Variants in VAMP7 observed in about 807,000 individuals in gnomAD.
VAMP7 encodes the protein vesicle-associated membrane protein 7.
VAMP7 carries 14 observed loss-of-function variants against 29.6 expected under a neutral mutation model. The ratio of observed to expected loss-of-function variants is 0.47; its 90% CI spans 0.31 to 0.74. The LOEUF (loss-of-function observed/expected upper bound fraction) is 0.74. Among genes scored for constraint, VAMP7 ranks in the 30% least tolerant of loss-of-function variants. The probability of loss-of-function intolerance (pLI) is 0.05; values close to 1 mark genes in which losing one functional copy is unlikely to be tolerated. For missense variants in VAMP7, 223 were observed against 262.4 expected, an observed-to-expected ratio of 0.85 and a Z score of 1.04; for synonymous variants, 95 against 88.1, an observed-to-expected ratio of 1.08 and a Z score of -0.44.
intron 3 of VAMP7, 48 bp from the exon 4 acceptor site, chrX:155,898,064 A>G (rs1201028543): frequency 2.5e-6 from 4 of 1,594,544 alleles, no homozygotes; most frequent in Non-Finnish European, 3.4e-6. Flanking sequence ...CACTCACATC[A>G]TCTTTGTTTA....
chrX:155,892,299 TTC>T (rs1224820411), intron 2 of VAMP7, among the ~76,000 whole-genome samples: 1 of 152,150 alleles, frequency 6.6e-6, no homozygotes, highest in Non-Finnish European at 1.5e-5. Flanking sequence ...GCGAAATACT[TTC>T]TTAATTTGTA....
intron 6 of VAMP7, among the ~76,000 whole-genome samples, chrX:155,937,638 T>C (rs1303809537): frequency 6.6e-6 from 1 of 152,194 alleles, no homozygotes; most frequent in Non-Finnish European, 1.5e-5. Flanking sequence ...TGTAACATTT[T>C]CCTTTTTTCA....
In VAMP7 at chrX:155,914,609, A is replaced by T. The variant is rs190803522; in HGVS notation, c.434-5204A>T. On this transcript the variant is annotated intron_variant, in intron 5 of 7. Transcript: ENST00000286448. The stretch of plus-strand genomic sequence containing the variant: ...TTTATCGAAGGCCTTTTCTGCATCT[A>T]TTGAGATAATCATGTGGTTTTTGTC... 3.7e-3 allele frequency among the ~76,000 whole-genome samples: 559 copies of T among 152,206 alleles called. 8 individuals carry two copies. The highest frequency in any genetic ancestry group is 0.017 in the Admixed American group (263 of 15,288).
At chrX:155,893,028 C>T (rs1490698053) in intron 2 of VAMP7, among the ~76,000 whole-genome samples, 1 of 152,116 alleles carries the variant, frequency 6.6e-6, no homozygotes, top group Non-Finnish European at 1.5e-5. Flanking sequence ...GCTGGGATTA[C>T]AGGCATGAGC....
At chrX:155,886,147 A>G (rs1412174462) in intron 1 of VAMP7, among the ~76,000 whole-genome samples, 3 of 152,050 alleles carry the variant, frequency 2.0e-5, no homozygotes, top group Admixed American at 2.0e-4. Context: ...TTATCTTTAT[A>G]TAGCACTTTA....
At chrX:155,936,675 G>T (rs757106845) in intron 6 of VAMP7, among the ~76,000 whole-genome samples, 1 of 152,134 alleles carries the variant, frequency 6.6e-6, no homozygotes, top group African/African-American at 2.4e-5. Flanking sequence ...GCCCTGCTTC[G>T]GCTCACGCTC....
At chrX:155,939,304 G>A (rs1450010059) in intron 6 of VAMP7, among the ~76,000 whole-genome samples, 4 of 152,160 alleles carry the variant, frequency 2.6e-5, no homozygotes, top group Non-Finnish European at 2.9e-5. Flanking sequence ...AATCAAACAG[G>A]TTTTTATGGC....
At chrX:155,939,123 G>A (rs1335473538) in intron 6 of VAMP7, among the ~76,000 whole-genome samples, 40 of 151,432 alleles carry the variant, frequency 2.6e-4, no homozygotes, top group African/African-American at 9.5e-4. Context: ...GGATTATTAG[G>A]GAGTTTTGTT....
chrX:155,882,833 C>A (rs1332360561), intron 1 of VAMP7, among the ~76,000 whole-genome samples: 2 of 152,160 alleles, frequency 1.3e-5, no homozygotes, highest in African/African-American at 4.8e-5. Flanking sequence ...AGGCACTGTG[C>A]TGAGCACTGG....
chrX:155,909,090 G>A (rs2066195369), intron 5 of VAMP7, among the ~76,000 whole-genome samples: 1 of 152,162 alleles, frequency 6.6e-6, no homozygotes, highest in Admixed American at 6.5e-5. Context: ...GCCTACCAAA[G>A]TGCTAGGATT....
chrX:155,922,348 G>T (rs988615248), intron 6 of VAMP7, among the ~76,000 whole-genome samples: 1 of 151,946 alleles, frequency 6.6e-6, no homozygotes, highest in African/African-American at 2.4e-5. Flanking sequence ...AATAAATTCA[G>T]TGTTAAGTTT....
At position 155,898,191 on chromosome X, in the gene VAMP7, A is replaced by C. The variant is rs764509692; in HGVS notation, c.284A>C (p.Gln95Pro). 4.3e-6 allele frequency: 7 copies of C among 1,613,570 alleles called. No homozygotes were observed. The highest frequency in any genetic ancestry group is 1.6e-4 in the Middle Eastern group (1 of 6,078). Residue 95 changes from glutamine (Q) to proline (P), a missense_variant, in exon 4 of 8, where the codon CAG (glutamine) becomes CCG (proline). Physicochemically the swap from Gln to Pro is moderately conservative, Grantham distance 76 (BLOSUM62 -1). Transcript: ENST00000286448. ...CAGACTACTTACGGTTCAAGAGCACAGACAGCACTTCCATATGCCATGAAT... is the reference window on the plus strand; with the variant it reads ...CAGACTACTTACGGTTCAAGAGCACCGACAGCACTTCCATATGCCATGAAT... ...RFQTTYGSRA[Q>P]TALPYAMNSE...
chrX:155,889,711 A>T (rs982386209), intron 2 of VAMP7, 99 bp downstream of exon 2: 2 of 1,347,654 alleles, frequency 1.5e-6, no homozygotes, highest in East Asian at 5.0e-5. Flanking sequence ...TAGGTACATA[A>T]TTTGAATAAG....
At chrX:155,896,383 A>G (rs1310751317) in intron 3 of VAMP7, among the ~76,000 whole-genome samples, 1 of 152,210 alleles carries the variant, frequency 6.6e-6, no homozygotes, top group Non-Finnish European at 1.5e-5. Context: ...TAGTTAATGA[A>G]TCCTTTAATG....
chrX:155,938,794 C>T (rs775006238), intron 6 of VAMP7, among the ~76,000 whole-genome samples: 34 of 152,136 alleles, frequency 2.2e-4, no homozygotes, highest in Admixed American at 6.5e-4. Flanking sequence ...CCAGCTTGGG[C>T]GACAGAGCAA....
intron 5 of VAMP7, among the ~76,000 whole-genome samples, chrX:155,918,000 G>A (rs1030345848): frequency 4.6e-5 from 7 of 152,226 alleles, no homozygotes; most frequent in East Asian, 3.9e-4. Flanking sequence ...TCAGAGATGC[G>A]CTGCCCAGAG....
intron 5 of VAMP7, among the ~76,000 whole-genome samples, chrX:155,913,261 T>C (rs2042466004): frequency 1.3e-5 from 2 of 152,178 alleles, no homozygotes; most frequent in African/African-American, 4.8e-5. Flanking sequence ...CCTTGTAGAT[T>C]CCGGATATTA....
intron 1 of VAMP7, among the ~76,000 whole-genome samples, chrX:155,888,558 C>T (rs1175721778): frequency 3.3e-5 from 5 of 152,004 alleles, no homozygotes; most frequent in Admixed American, 2.0e-4. Flanking sequence ...ATGTTTATGC[C>T]ATTAAATAAG....
chrX:155,919,526 G>A lies in VAMP7; in HGVS notation c.434-287G>A, dbSNP rs764669033. On this transcript the variant is annotated intron_variant, in intron 5 of 7. Transcript: ENST00000286448. ...TTTGATTATGGGTACATTCAGTAGT[G>A]TAGTCTGTATAATTTCTTCAGCTAT... 4.6e-5 allele frequency among the ~76,000 whole-genome samples: 7 copies of A among 152,242 alleles called. No individual in the cohort carries two copies. The Middle Eastern group carries it at 0.01, about 222-fold the overall frequency.
Sources: gnomAD v4.1 joint callset for allele counts (sites outside exome capture counted in the v4.1 genomes callset) on GRCh38, gnomAD v4.1.1 for gene constraint, MANE v1.5 for transcripts, NCBI Gene and HGNC (gene_info 2026-07-23, HGNC 2026-07-21) for gene names.